Variants in CCDC57 observed in about 807,000 individuals in gnomAD.
CCDC57 encodes coiled-coil domain-containing protein 57.
CCDC57 carries 118 observed loss-of-function variants against 118.9 expected under a neutral mutation model. The ratio of observed to expected loss-of-function variants is 0.99; its 90% CI spans 0.86 to 1.16. The LOEUF is 1.16. Ranked by LOEUF, CCDC57 falls within the 50% of genes most tolerant of loss-of-function variation. CCDC57 has a pLI of 0.00. For synonymous variants in CCDC57, 527 were observed against 532.9 expected, an observed-to-expected ratio of 0.99 and a Z score of 0.15; for missense variants, 1,300 against 1,320.7, an observed-to-expected ratio of 0.98 and a Z score of 0.24.
chr17:82,162,207 C>A (rs1320044198), intron 14 of CCDC57, among the ~76,000 whole-genome samples: 1 of 152,140 alleles, frequency 6.6e-6, no homozygotes, highest in African/African-American at 2.4e-5. Flanking sequence ...CCATGTTGGC[C>A]AGGCTGGTCT....
At chr17:82,111,283 A>T (rs1369997933) in intron 19 of CCDC57, among the ~76,000 whole-genome samples, 1 of 145,796 alleles carries the variant, frequency 6.9e-6, no homozygotes, top group Admixed American at 6.9e-5. Context: ...TATTTTTTTT[A>T]GTAGAGACGG....
exon 8 of CCDC57, chr17:82,188,256 C>A (rs1252663983): frequency 1.3e-6 from 2 of 1,564,854 alleles, no homozygotes; most frequent in East Asian, 2.4e-5. Context: ...GCGGTGTCAG[C>A]CTGTCTCCAC....
chr17:82,199,583 A>G (rs1451087705), intron 3 of CCDC57, among the ~76,000 whole-genome samples: 1 of 152,188 alleles, frequency 6.6e-6, no homozygotes, highest in African/African-American at 2.4e-5. Flanking sequence ...ACACTTCACA[A>G]CATAACGTAA....
Position 82,172,963 on chromosome 17 carries a change from C to A in CCDC57, c.1507-103G>T, listed in dbSNP as rs1325748146. ...TCCCCGCGCCCCTCTCGGGCCGGTC[C>A]CCCGCTTCAGCTTGGGCTGTGGTCC... On this transcript the variant is annotated intron_variant, in intron 11 of 19. Transcript: ENST00000665763. This position sits in a 1 kb window ranked among gnomAD's most constrained non-coding sequence, Gnocchi z 5.2. 7.8e-6 allele frequency: 8 copies of A among 1,026,184 alleles called. No individual in the cohort carries two copies. Among genetic ancestry groups the A allele is most frequent in the Admixed American group, 2.0e-5 (1 of 50,026 alleles). The allele number at this position is 1,026,184 out of a possible 1,614,324, so 63.6% of individuals were successfully genotyped here. A position where few individuals can be genotyped will look rare whatever the true frequency, so the allele number is the denominator to read the frequency against.
intron 19 of CCDC57, among the ~76,000 whole-genome samples, chr17:82,117,389 C>T (rs780200010): frequency 6.7e-6 from 1 of 150,322 alleles, no homozygotes; most frequent in Non-Finnish European, 1.5e-5. Flanking sequence ...TGCCTGTAAT[C>T]CAGCACTTTG....
exon 20 of CCDC57, chr17:82,101,613 T>G: frequency 4.7e-6 from 6 of 1,281,118 alleles, no homozygotes; most frequent in Non-Finnish European, 5.5e-6. Context: ...CCACAACACG[T>G]AGGTGAAAGC....
chr17:82,201,303 C>T (rs972895734), intron 3 of CCDC57, among the ~76,000 whole-genome samples: 4 of 152,154 alleles, frequency 2.6e-5, no homozygotes, highest in African/African-American at 9.7e-5. Context: ...TATATCAGAA[C>T]CCAGAAAAAG....
intron 19 of CCDC57, among the ~76,000 whole-genome samples, chr17:82,123,639 CCT>C (rs1436872714): frequency 6.6e-6 from 1 of 151,900 alleles, no homozygotes; most frequent in Non-Finnish European, 1.5e-5. Context: ...CTAATATTTC[CCT>C]CTCAGAAGAG....
At position 82,123,122 on chromosome 17, in the gene CCDC57, C is replaced by CTTTTT. The variant is rs34869339; in HGVS notation, c.2899+4565_2899+4569dup. ...TTAACCACTCCTTCCCTCCTAATAA[C>CTTTTT]TTTTTTTTTTTTTTTTTTTTTGTAG... On this transcript the variant is annotated intron_variant, in intron 19 of 19. Coordinates refer to ENST00000665763, the Ensembl canonical transcript of CCDC57. Among the ~76,000 whole-genome samples, 189 of 105,764 alleles carry CTTTTT rather than the reference C, an allele frequency of 1.8e-3. 1 individual carries two copies. Among genetic ancestry groups the CTTTTT allele is most frequent in the African/African-American group, 2.7e-3 (73 of 26,558 alleles). The allele number at this position is 105,764 out of a possible 152,430, so 69.4% of individuals were successfully genotyped here.
At position 82,172,770 on chromosome 17, in the gene CCDC57, T is replaced by C; in HGVS notation, c.1597A>G (p.Asn533Asp). The change falls in exon 12 of 20, where the codon AAC (asparagine) becomes GAC (aspartate). Residue 533 changes from asparagine to aspartate, a missense_variant. Asn to Asp is a conservative substitution (Grantham distance 23, BLOSUM62 1). Coordinates refer to ENST00000665763, the Ensembl canonical transcript of CCDC57. The surrounding 1 kb of genome is among the most constrained non-coding windows in gnomAD (Gnocchi z 5.2). The stretch of plus-strand genomic sequence containing the variant: ...TCTTTCCTCATCTGGGCAATCGCGT[T>C]TCGCAAGCTCGTGTTCTGCTCTCGG... The C allele has an allele frequency of 6.2e-7, 1 of 1,613,074 alleles. No individual in the cohort carries two copies. The highest frequency in any genetic ancestry group is 8.5e-7 in the Non-Finnish European group (1 of 1,179,580).
intron 16 of CCDC57, among the ~76,000 whole-genome samples, chr17:82,138,091 T>A (rs1390834363): frequency 9.3e-5 from 14 of 150,644 alleles, no homozygotes; most frequent in Non-Finnish European, 1.6e-4. Context: ...CAAGGTGGGG[T>A]GTGGTGGCAT....
intron 19 of CCDC57, among the ~76,000 whole-genome samples, chr17:82,113,932 C>T (rs115659875): frequency 5.3e-5 from 8 of 152,092 alleles, no homozygotes; most frequent in Non-Finnish European, 1.0e-4. Flanking sequence ...GGCAACAGAG[C>T]GAGAATAAAG....
chr17:82,193,637 C>T (rs1283771199), intron 7 of CCDC57, 119 bp downstream of exon 6: 2 of 773,808 alleles, frequency 2.6e-6, no homozygotes, highest in Non-Finnish European at 4.2e-6. Flanking sequence ...AGCGGGCTCC[C>T]AGGTCCGATC....
In CCDC57 at chr17:82,132,759, C is replaced by CTTT. The variant is rs71166188; in HGVS notation, c.2577+1311_2577+1313dup. Among the ~76,000 whole-genome samples the CTTT allele has an allele frequency of 9.1e-3, 1,125 of 123,854 alleles. 150 individuals are homozygous for CTTT. The highest frequency in any genetic ancestry group is 0.015 in the South Asian group (60 of 4,034). 81.3% of individuals were successfully genotyped at this position (123,854 alleles called of 152,430 possible). A position where few individuals can be genotyped will look rare whatever the true frequency, so the allele number is the denominator to read the frequency against. ...TTATCTTTCTGTAGAGACAACCTTGCTTTTTTTTTTTTTTTTTTGAGACGG... is the reference window on the plus strand; with the variant it reads ...TTATCTTTCTGTAGAGACAACCTTGCTTTTTTTTTTTTTTTTTTTTTGAGACGG... On this transcript the variant is annotated intron_variant, in intron 17 of 19. Coordinates refer to ENST00000665763, the Ensembl canonical transcript of CCDC57.
chr17:82,201,972 G>A lies in CCDC57; in HGVS notation c.-8-20C>T. 6.4e-7 allele frequency: 1 copy of A among 1,553,542 alleles called. No individual in the cohort carries two copies. ...TGGCCGCTGCAGTAAAGAGAAATCAGGTTCAGGGTGCACCGTGAGGGGCCC... is the reference window on the plus strand; with the variant it reads ...TGGCCGCTGCAGTAAAGAGAAATCAAGTTCAGGGTGCACCGTGAGGGGCCC... On this transcript the variant is annotated intron_variant, in intron 2 of 19. Transcript: ENST00000665763.
chr17:82,172,708 G>A lies in CCDC57; in HGVS notation c.1659C>T (p.Ile553=), dbSNP rs762684918. 65 of 1,578,290 alleles carry A rather than the reference G, an allele frequency of 4.1e-5. No homozygotes were observed. The highest frequency in any genetic ancestry group is 2.8e-5 in the Non-Finnish European group (33 of 1,162,012). Residue 553 remains isoleucine (I), a synonymous_variant, in exon 12 of 20, where the codon ATC becomes ATT. Transcript: ENST00000665763. This position sits in a 1 kb window ranked among gnomAD's most constrained non-coding sequence, Gnocchi z 5.2. ...CATCTGTGCTCTCTGCCGCTGTCTG[G>A]ATGGGAGGAGGAATCTGATGGCTTA...
intron 13 of CCDC57, among the ~76,000 whole-genome samples, chr17:82,171,268 A>G (rs563639107): frequency 9.6e-5 from 14 of 145,392 alleles, no homozygotes; most frequent in Admixed American, 7.5e-4. Flanking sequence ...CATTCACACC[A>G]AAACAGGGAG....
intron 15 of CCDC57, chr17:82,154,443 G>A (rs910264259): frequency 6.6e-6 from 1 of 152,422 alleles, no homozygotes; most frequent in African/African-American, 2.4e-5. Context: ...AGGTAGGCTG[G>A]AGACGCAGTG....
At chr17:82,126,379 T>G in intron 19 of CCDC57, 1 of 978,740 alleles carries the variant, frequency 1.0e-6, no homozygotes, top group Non-Finnish European at 1.2e-6. Flanking sequence ...AATAAACATT[T>G]AAAAACATGA....
Sources: allele counts gnomAD v4.1 joint callset (sites outside exome capture counted in the v4.1 genomes callset), GRCh38; gene constraint gnomAD v4.1.1; non-coding constraint Gnocchi (gnomAD v3.1); transcripts MANE v1.5; gene names NCBI Gene and HGNC (gene_info 2026-07-23, HGNC 2026-07-21).